The following TRMT44 variants were observed in gnomAD, a reference collection of about 807,000 sequenced individuals.
TRMT44 encodes probable tRNA (uracil-O(2)-)-methyltransferase.
TRMT44 carries 78 observed loss-of-function variants against 77.3 expected under a neutral mutation model. The ratio of observed to expected loss-of-function variants is 1.01; its 90% CI spans 0.84 to 1.22. TRMT44 has a LOEUF of 1.22. Ranked by LOEUF, TRMT44 falls within the 50% of genes most tolerant of loss-of-function variation. TRMT44 has a pLI of 0.00. For synonymous variants in TRMT44, 391 were observed against 383.3 expected, an observed-to-expected ratio of 1.02 and a Z score of -0.23; for missense variants, 1,090 against 964.4, an observed-to-expected ratio of 1.13 and a Z score of -1.73.
chr4:8,471,179 A>G lies in TRMT44; in HGVS notation c.2023A>G (p.Asn675Asp), dbSNP rs1197458743. 2.5e-6 allele frequency: 4 copies of G among 1,604,104 alleles called. No homozygotes were observed. The highest frequency in any genetic ancestry group is 1.7e-6 in the Non-Finnish European group (2 of 1,175,248). Residue 675 changes from asparagine (N) to aspartate (D), a missense_variant, in exon 10 of 11, where the codon AAC becomes GAC. Asn to Asp is a conservative substitution (Grantham distance 23). Coordinates refer to ENST00000389737, the MANE Select transcript of TRMT44 (RefSeq NM_152544.3). ...ECGGLQTLLR[N>D]SHQVFQVVNG... ...TGGGGGCCTGCAGACGCTGCTCCGG[A>G]ACAGCCACCAGGTGTTCCAAGGTAC...
intron 2 of TRMT44, among the ~76,000 whole-genome samples, chr4:8,485,724 GATAATTTGGTTAAAAT>G (rs1167081700): frequency 6.6e-6 from 1 of 152,174 alleles, no homozygotes; most frequent in Non-Finnish European, 1.5e-5. Context: ...CAGGGAAGCA[GATAATTTGGTTAAAAT>G]ATCTCGGCCT....
At chr4:8,495,315 T>G (rs2109241602), downstream of TRMT44, among the ~76,000 whole-genome samples, 1 of 152,298 alleles carries the variant, frequency 6.6e-6, no homozygotes, top group East Asian at 1.9e-4. Flanking sequence ...TTAAGTGACT[T>G]GCCCAGAATC....
the TRMT44 span, among the ~76,000 whole-genome samples, chr4:8,511,366 G>A: frequency 6.6e-6 from 1 of 152,134 alleles, no homozygotes; most frequent in Non-Finnish European, 1.5e-5. Context: ...TCACTGACTG[G>A]GAGTCAGAAT....
rs575990320 is a variant in TRMT44, at chr4:8,490,686, G to A, written n.3892-2580G>A. On this transcript the variant is annotated intron_variant and non_coding_transcript_variant, in intron 2 of 2. Transcript: ENST00000511366. ...TAAAAGCAGCGTGGACCCAAAGAGT[G>A]AGCAGTAGCAAGATTTATTGCAAAG... Among the ~76,000 whole-genome samples the A allele has an allele frequency of 2.5e-4, 38 of 152,334 alleles. No homozygotes were observed. The South Asian group carries it at 6.2e-3, about 25-fold the overall frequency.
Position 8,471,211 on chromosome 4 carries a change from C to T in TRMT44, c.2044+11C>T, listed in dbSNP as rs752402773. 3.1e-5 allele frequency: 46 copies of T among 1,506,822 alleles called. No individual in the cohort carries two copies. The Admixed American group carries it at 6.9e-4, about 23-fold the overall frequency. 93.3% of individuals were successfully genotyped at this position (1,506,822 alleles called of 1,614,324 possible). On this transcript the variant is annotated intron_variant, in intron 10 of 10. Coordinates refer to ENST00000389737, the MANE Select transcript of TRMT44 (RefSeq NM_152544.3). Reference sequence around the variant, plus strand: ...ACCAGGTGTTCCAAGGTACGGAGTCCGCCTCTCCCCCGCCGTTCTTTCCTT... The same window carrying T: ...ACCAGGTGTTCCAAGGTACGGAGTCTGCCTCTCCCCCGCCGTTCTTTCCTT...
chr4:8,500,227 C>T, the TRMT44 span, among the ~76,000 whole-genome samples: 3 of 152,018 alleles, frequency 2.0e-5, no homozygotes, highest in Admixed American at 6.6e-5. Flanking sequence ...TGCGGTGGCT[C>T]ATGCCTATAA....
At position 8,452,749 on chromosome 4, in the gene TRMT44, A is replaced by T; in HGVS notation, c.1024-133A>T. On this transcript the variant is annotated intron_variant, in intron 4 of 10. Coordinates refer to ENST00000389737, the MANE Select transcript of TRMT44 (RefSeq NM_152544.3). This position sits in a 1 kb window ranked among gnomAD's most constrained non-coding sequence, Gnocchi z 5.7. ...CACTCCATCTCAAAAAAAGAAAAAA[A>T]AAAAAGAATGTTTAGTGTAGATGAT... 1.9e-6 allele frequency: 1 copy of T among 532,726 alleles called. No individual in the cohort carries two copies. The highest frequency in any genetic ancestry group is 3.2e-6 in the Non-Finnish European group (1 of 310,494). 33.0% of individuals were successfully genotyped at this position (532,726 alleles called of 1,614,324 possible).
In TRMT44 at chr4:8,450,755, C is replaced by T. The variant is rs73211381; in HGVS notation, c.954+867C>T. The stretch of plus-strand genomic sequence containing the variant: ...TATTCTTCCTAGTTCCCATCTTCCT[C>T]CCCGTCCTAGGAGTAACCACAATTT... On this transcript the variant is annotated intron_variant, in intron 3 of 10. Transcript: ENST00000389737. 8.6e-3 allele frequency among the ~76,000 whole-genome samples: 1,312 copies of T among 151,870 alleles called. 6 individuals are homozygous for T. Among genetic ancestry groups the T allele is most frequent in the South Asian group, 0.033 (159 of 4,792 alleles).
chr4:8,453,561 G>A, intron 5 of TRMT44: 1 of 152,314 alleles, frequency 6.6e-6, no homozygotes, highest in East Asian at 1.9e-4. Context: ...ACAGTGTGGT[G>A]TGTGGTACTG....
chr4:8,486,461 T>C (rs1378210292), intron 2 of TRMT44, among the ~76,000 whole-genome samples: 4 of 152,166 alleles, frequency 2.6e-5, no homozygotes, highest in Non-Finnish European at 4.4e-5. Flanking sequence ...GAATTTAATT[T>C]TTGGATTTTT....
intron 2 of TRMT44, among the ~76,000 whole-genome samples, chr4:8,484,200 T>C (rs1727731495): frequency 6.6e-6 from 1 of 151,612 alleles, no homozygotes; most frequent in African/African-American, 2.4e-5. Flanking sequence ...AAGAAGGAAA[T>C]GTGGGGAAAT....
chr4:8,475,621 A>T, intron 10 of TRMT44, 151 bp from the exon 11 acceptor site: 1 of 702,022 alleles, frequency 1.4e-6, no homozygotes, highest in Non-Finnish European at 2.4e-6. Flanking sequence ...AGGCAGACTC[A>T]CTGTGACCAG....
At position 8,446,585 on chromosome 4, in the gene TRMT44, A is replaced by G; in HGVS notation, c.729A>G (p.Glu243=). ...AAATTCAGCTCAGTCATAGCAAAGA[A>G]GAATGGTAAGAGCTGGACAGTGGAC... ...VYQIQLSHSK[E]EWFISVLIFC... Residue 243 remains glutamate, a synonymous_variant, in exon 2 of 11, where the codon GAA becomes GAG. Coordinates refer to ENST00000389737, the MANE Select transcript of TRMT44 (RefSeq NM_152544.3). The surrounding 1 kb of genome is among the most constrained non-coding windows in gnomAD (Gnocchi z 4.3). 6.5e-7 allele frequency: 1 copy of G among 1,529,980 alleles called. No homozygotes were observed. 94.8% of individuals were successfully genotyped at this position (1,529,980 alleles called of 1,614,324 possible).
At chr4:8,463,040 A>C (rs1726269230) in intron 6 of TRMT44, among the ~76,000 whole-genome samples, 1 of 152,222 alleles carries the variant, frequency 6.6e-6, no homozygotes, top group South Asian at 2.1e-4. Context: ...TTTCAGTTTT[A>C]GTTTTTTACT....
At chr4:8,492,708 C>T (rs147084965) in intron 2 of TRMT44, among the ~76,000 whole-genome samples, 1 of 152,316 alleles carries the variant, frequency 6.6e-6, no homozygotes, top group East Asian at 1.9e-4. Context: ...GAACTCAAAG[C>T]CACCTCTGCT....
At chr4:8,449,227 A>C (rs1029025112) in intron 2 of TRMT44, among the ~76,000 whole-genome samples, 2 of 152,252 alleles carry the variant, frequency 1.3e-5, no homozygotes, top group African/African-American at 4.8e-5. Context: ...TAAGCCGGCA[A>C]AATGCACAGC....
intron 10 of TRMT44, 131 bp from the exon 11 acceptor site, chr4:8,475,641 T>C: frequency 1.3e-6 from 1 of 783,240 alleles, no homozygotes; most frequent in South Asian, 1.7e-5. Context: ...GCAGGAACTC[T>C]AGGCTGTGTT....
intron 2 of TRMT44, among the ~76,000 whole-genome samples, chr4:8,489,591 C>A (rs889956814): frequency 6.6e-6 from 1 of 152,216 alleles, no homozygotes; most frequent in African/African-American, 2.4e-5. Context: ...ATTCTCCTGC[C>A]TCAGCCTCCC....
At chr4:8,449,949 C>CTTTTTTTTTTTTTTTTTT (rs745915221) in intron 3 of TRMT44, 61 bp downstream of exon 3, 17 of 239,140 alleles carry the variant, frequency 7.1e-5, no homozygotes, top group South Asian at 4.2e-4. Flanking sequence ...CTTTTCTTTT[C>CTTTTTTTTTTTTTTTTTT]TTTTTTTTTT....
Sources: gnomAD v4.1 joint callset for allele counts (sites outside exome capture counted in the v4.1 genomes callset) on GRCh38, gnomAD v4.1.1 for gene constraint, Gnocchi (gnomAD v3.1) non-coding constraint, MANE v1.5 for transcripts, NCBI Gene and HGNC (gene_info 2026-07-23, HGNC 2026-07-21) for gene names.